GABRA3: variants seen among roughly 807,000 people sequenced by gnomAD.
GABRA3 encodes the protein gamma-aminobutyric acid receptor subunit alpha-3.
In GABRA3, 10 loss-of-function variants were observed where a neutral mutation model predicts 30.1. The ratio of observed to expected loss-of-function variants is 0.33; its 90% confidence interval spans 0.20 to 0.56. The LOEUF is 0.56. GABRA3 is among the 20% of genes least tolerant of loss of function. GABRA3 has a pLI of 0.89. For synonymous variants in GABRA3, 151 were observed against 146.8 expected, an observed-to-expected ratio of 1.03 and a Z score of -0.21; for missense variants, 233 against 392.0, an observed-to-expected ratio of 0.59 and a Z score of 3.42.
At chrX:152,339,877 C>A (rs757272591) in intron 3 of GABRA3, among the ~76,000 whole-genome samples, 9 of 111,758 alleles carry the variant, frequency 8.1e-5, no homozygotes, top group Non-Finnish European at 1.7e-4. Flanking sequence ...TAGTATGATG[C>A]ATCTTTTCCT....
chrX:152,394,310 A>C, intron 1 of GABRA3: 1 of 328,055 alleles, frequency 3.0e-6, no homozygotes, highest in Non-Finnish European at 6.3e-6. Flanking sequence ...ACAATAAATG[A>C]CAATATGCTG....
intron 1 of GABRA3, among the ~76,000 whole-genome samples, chrX:152,375,298 T>C: frequency 9.3e-6 from 1 of 107,721 alleles, no homozygotes; most frequent in South Asian, 4.1e-4. Flanking sequence ...ACTGTTTGTG[T>C]AGATAATATA....
chrX:152,208,620 T>C (rs1452208524), intron 6 of GABRA3, among the ~76,000 whole-genome samples: 1 of 109,558 alleles, frequency 9.1e-6, no homozygotes, highest in Non-Finnish European at 1.9e-5. Context: ...GTTTGAGTCA[T>C]GGAGGCAGAT....
rs766757380 is a variant in GABRA3, at chrX:152,245,000, G to T, written c.551+10778C>A. Among the ~76,000 whole-genome samples, 15 of 110,953 alleles carry T rather than the reference G, an allele frequency of 1.4e-4. No homozygotes were observed. In the East Asian group the frequency reaches 3.7e-3, roughly 27 times the overall value. ...ACCATAAATAAGGTTAGAGAAAAAA[G>T]GTTCCCACACTAACTAGAATCCTAA... On this transcript the variant is annotated intron_variant, in intron 5 of 9. Transcript: ENST00000370314.
chrX:152,271,103 C>T (rs1938927646), intron 4 of GABRA3, among the ~76,000 whole-genome samples: 1 of 109,390 alleles, frequency 9.1e-6, no homozygotes, highest in Admixed American at 9.8e-5. Flanking sequence ...GCTGAGATTA[C>T]AGGCACCTGC....
chrX:152,427,562 T>C (rs1452815803), intron 1 of GABRA3, among the ~76,000 whole-genome samples: 1 of 112,167 alleles, frequency 8.9e-6, no homozygotes, highest in Non-Finnish European at 1.9e-5. Context: ...TGCTTTTTAA[T>C]TTCTTTATAA....
chrX:152,176,953 A>T (rs556080172), intron 9 of GABRA3, among the ~76,000 whole-genome samples: 1 of 111,930 alleles, frequency 8.9e-6, no homozygotes, highest in Non-Finnish European at 1.9e-5. Context: ...TTAGTGCTGG[A>T]AAGAAGACAA....
At position 152,360,372 on chromosome X, in the gene GABRA3, G is replaced by T. The variant is rs1168905995; in HGVS notation, c.140+4059C>A. Among the ~76,000 whole-genome samples, 3 of 93,103 alleles carry T rather than the reference G, an allele frequency of 3.2e-5. No individual in the cohort carries two copies. In the East Asian group the frequency reaches 1.1e-3, roughly 33 times the overall value. The allele number at this position is 93,103 out of a possible 115,157, so 80.8% of individuals were successfully genotyped here. On this transcript the variant is annotated intron_variant, in intron 2 of 9. Coordinates refer to ENST00000370314, the MANE Select transcript of GABRA3 (RefSeq NM_000808.4). ...ATGATTGCCATTCTAACTGGTGTGA[G>T]ATGATATCTCATAGTGGTTTTGATT...
intron 9 of GABRA3, 65 bp from the exon 10 acceptor site, chrX:152,168,628 A>G (rs1936966831): frequency 2.2e-6 from 2 of 899,775 alleles, no homozygotes; most frequent in Non-Finnish European, 3.2e-6. Context: ...TTCATTACAC[A>G]GAGAACCTTC....
chrX:152,373,065 C>T (rs1928888228), intron 1 of GABRA3, among the ~76,000 whole-genome samples: 1 of 112,036 alleles, frequency 8.9e-6, no homozygotes, highest in Admixed American at 9.5e-5. Flanking sequence ...CCTCCCGACA[C>T]TGATTCGGAA....
chrX:152,330,453 T>G (rs1355751437), intron 3 of GABRA3, among the ~76,000 whole-genome samples: 1 of 112,048 alleles, frequency 8.9e-6, no homozygotes, highest in Non-Finnish European at 1.9e-5. Flanking sequence ...CCAAGCCAAA[T>G]GTCCATCAAT....
At position 152,451,243 on chromosome X, in the gene GABRA3, C is replaced by A. The variant is rs201798694; in HGVS notation, c.-124G>T. ...AGAGCTCGGCTTCTGGCTTCTTCTT[C>A]TCTCTCTGGGTCTCTCTCCTGGTCC... On this transcript the variant is annotated 5_prime_UTR_variant, in exon 1 of 10. Coordinates refer to ENST00000370314, the MANE Select transcript of GABRA3 (RefSeq NM_000808.4). The A allele has an allele frequency of 2.7e-5, 3 of 111,638 alleles. No individual in the cohort carries two copies. The highest frequency in any genetic ancestry group is 9.8e-5 in the African/African-American group (3 of 30,719). 9.2% of individuals were successfully genotyped at this position (111,638 alleles called of 1,213,427 possible). A position where few individuals can be genotyped will look rare whatever the true frequency, so the allele number is the denominator to read the frequency against.
chrX:152,400,324 C>A (rs1475372269), intron 1 of GABRA3, among the ~76,000 whole-genome samples: 2 of 108,616 alleles, frequency 1.8e-5, no homozygotes, highest in African/African-American at 6.7e-5. Flanking sequence ...AAGATCCCAT[C>A]TGTACATAAA....
At chrX:152,218,956 T>C (rs1202746397) in intron 6 of GABRA3, among the ~76,000 whole-genome samples, 1 of 111,360 alleles carries the variant, frequency 9.0e-6, no homozygotes, top group Admixed American at 9.5e-5. Flanking sequence ...CTAGAGGTTT[T>C]CTAAGATTAA....
intron 3 of GABRA3, among the ~76,000 whole-genome samples, chrX:152,293,074 G>A (rs1037333465): frequency 1.8e-5 from 2 of 111,183 alleles, no homozygotes; most frequent in African/African-American, 6.6e-5. Context: ...GATCTGCTTG[G>A]TGCAGAGCTG....
intron 1 of GABRA3, among the ~76,000 whole-genome samples, chrX:152,425,074 G>T (rs1307533877): frequency 9.5e-6 from 1 of 105,247 alleles, no homozygotes; most frequent in East Asian, 3.0e-4. Flanking sequence ...GAGTAGCTGA[G>T]GCTACAATAT....
At chrX:152,407,027 T>A (rs1929954422) in intron 1 of GABRA3, among the ~76,000 whole-genome samples, 1 of 112,165 alleles carries the variant, frequency 8.9e-6, no homozygotes, top group African/African-American at 3.2e-5. Flanking sequence ...AAAAGATTTT[T>A]AAAAAATTCT....
At chrX:152,408,138 A>G (rs1203416372) in intron 1 of GABRA3, among the ~76,000 whole-genome samples, 3 of 111,783 alleles carry the variant, frequency 2.7e-5, no homozygotes, top group East Asian at 5.6e-4. Context: ...GGAAAAATGG[A>G]AAGTCTTTCC....
intron 7 of GABRA3, 95 bp from the exon 8 acceptor site, chrX:152,197,880 T>A (rs1937409202): frequency 4.6e-6 from 3 of 653,352 alleles, no homozygotes; most frequent in Middle Eastern, 8.4e-4. Flanking sequence ...TTTAATCTTA[T>A]ATTCAATATT....
Sources: gnomAD v4.1 joint callset for allele counts (sites outside exome capture counted in the v4.1 genomes callset) on GRCh38, gnomAD v4.1.1 for gene constraint, MANE v1.5 for transcripts, NCBI Gene and HGNC (gene_info 2026-07-23, HGNC 2026-07-21) for gene names.